The following SEMA5B variants were observed in gnomAD, a reference collection of about 807,000 sequenced individuals.
The protein encoded by SEMA5B is semaphorin 5B.
A neutral mutation model predicts 135.0 loss-of-function variants in SEMA5B; 66 were observed. The observed-to-expected ratio is 0.49, with a 90% confidence interval of 0.40 to 0.60. The LOEUF is 0.60. Ranked by LOEUF, SEMA5B falls within the 20% of genes least tolerant of loss-of-function variation. The pLI is 0.00. For synonymous variants in SEMA5B, 690 were observed against 639.5 expected (o/e 1.08, Z -1.19); for missense variants, 1,501 against 1,566.3 (o/e 0.96, Z 0.70).
intron 1 of SEMA5B, among the ~76,000 whole-genome samples, chr3:122,979,083 G>A (rs1273190368): frequency 6.6e-6 from 1 of 152,174 alleles, no homozygotes; most frequent in Non-Finnish European, 1.5e-5. Context: ...AAGCACTGGG[G>A]CTCTGCAGGC....
chr3:122,934,357 C>T (rs1329449623), intron 5 of SEMA5B, among the ~76,000 whole-genome samples: 3 of 152,116 alleles, frequency 2.0e-5, no homozygotes, highest in Admixed American at 2.0e-4. Flanking sequence ...CACAAGAACA[C>T]CTATGAAGTA....
chr3:122,975,935 C>A, intron 1 of SEMA5B: 2 of 1,524,690 alleles, frequency 1.3e-6, no homozygotes, highest in Admixed American at 4.0e-5. Flanking sequence ...TGGCCATTCC[C>A]CCTCCATCCA....
At chr3:122,912,464 C>T in intron 18 of SEMA5B, 122 bp from the exon 19 acceptor site, 1 of 884,218 alleles carries the variant, frequency 1.1e-6, no homozygotes, top group Non-Finnish European at 1.7e-6. Context: ...TCCACCCGAT[C>T]CACCCGCCAC....
chr3:122,979,239 CCCG>C (rs1941440089), intron 1 of SEMA5B, among the ~76,000 whole-genome samples: 1 of 152,182 alleles, frequency 6.6e-6, no homozygotes, highest in South Asian at 2.1e-4. Context: ...AGTGGAAAGA[CCCG>C]CCGAGGAGAA....
At position 122,925,086 on chromosome 3, in the gene SEMA5B, G is replaced by A. The variant is rs949869711; in HGVS notation, c.1136+1306C>T. On this transcript the variant is annotated intron_variant, in intron 9 of 22. Coordinates refer to ENST00000357599, the MANE Select transcript of SEMA5B (RefSeq NM_001031702.4). Reference sequence around the variant, plus strand: ...GCCTCTCCACCTACTCCTGACTCTCGTTTCGGTCCACCCCCTCACACTGTC... The same window carrying A: ...GCCTCTCCACCTACTCCTGACTCTCATTTCGGTCCACCCCCTCACACTGTC... 3.9e-5 allele frequency among the ~76,000 whole-genome samples: 6 copies of A among 152,116 alleles called. No homozygotes were observed. In the East Asian group the frequency reaches 5.8e-4, roughly 15 times the overall value.
intron 18 of SEMA5B, 92 bp from the exon 19 acceptor site, chr3:122,912,434 G>GTTTTTT: frequency 8.3e-7 from 1 of 1,208,308 alleles, no homozygotes; most frequent in Admixed American, 3.0e-5. Flanking sequence ...ACTCTGCCCT[G>GTTTTTT]AGCCACAGTG....
chr3:123,007,155 C>T (rs1477073911), intron 1 of SEMA5B, among the ~76,000 whole-genome samples: 1 of 152,174 alleles, frequency 6.6e-6, no homozygotes, highest in East Asian at 1.9e-4. Context: ...AACACCTACT[C>T]ATGCACACGG....
At chr3:123,016,147 T>C (rs913330963) in intron 1 of SEMA5B, among the ~76,000 whole-genome samples, 3 of 152,184 alleles carry the variant, frequency 2.0e-5, no homozygotes, top group East Asian at 1.9e-4. Context: ...CAAGCCTTAA[T>C]TGATCCCTAA....
In SEMA5B at chr3:122,948,577, T is replaced by A. The variant is rs1317390271; in HGVS notation, c.257A>T (p.Asp86Val). The change falls in exon 3 of 23, where the codon GAT (aspartate) becomes GTT (valine). Residue 86 changes from aspartate (D) to valine (V), a missense_variant. This residue lies in a region of SEMA5B where 574 missense variants were observed against 684.7 expected (regional missense o/e 0.84). Coordinates refer to ENST00000357599, the MANE Select transcript of SEMA5B (RefSeq NM_001031702.4). ...LLVSHLSSSQ[D>V]VSSEPSSEQQ... ...CTCACTGCTGGGCTCACTGGAGACA[T>A]CCTGGGAGCTGGAGAGGTGGGACAC... The A allele has an allele frequency of 6.2e-7, 1 of 1,613,892 alleles. No homozygotes were observed. Among genetic ancestry groups the A allele is most frequent in the South Asian group, 1.1e-5 (1 of 91,034 alleles).
Position 122,922,242 on chromosome 3 carries a change from G to T in SEMA5B, c.1478C>A (p.Thr493Asn). 2 of 1,610,422 alleles carry T rather than the reference G, an allele frequency of 1.2e-6. No homozygotes were observed. Among genetic ancestry groups the T allele is most frequent in the Non-Finnish European group, 1.7e-6 (2 of 1,177,142 alleles). The stretch of plus-strand genomic sequence containing the variant: ...CAGGTTGGACCGGGCCGGCTCACCG[G>T]TGCCAATGTAGAGTACATGGTAGAG... ...DTLYHVLYIG[T>N]ESGTILKALS... Residue 493 changes from threonine (T) to asparagine (N), a missense_variant and splice_region_variant, in exon 11 of 23, where the codon ACC becomes AAC. Thr to Asn is a moderately conservative substitution (Grantham distance 65). Coordinates refer to ENST00000357599, the MANE Select transcript of SEMA5B (RefSeq NM_001031702.4).
chr3:123,022,840 C>CCCTTCTG (rs1414203050), intron 1 of SEMA5B, among the ~76,000 whole-genome samples: 1 of 152,210 alleles, frequency 6.6e-6, no homozygotes, highest in Non-Finnish European at 1.5e-5. Flanking sequence ...ACATTCAGCA[C>CCCTTCTG]CCTTCTGTCC....
intron 14 of SEMA5B, among the ~76,000 whole-genome samples, chr3:122,914,582 A>G (rs1194507810): frequency 6.6e-6 from 1 of 152,026 alleles, no homozygotes; most frequent in Non-Finnish European, 1.5e-5. Flanking sequence ...TTGTATTCCT[A>G]CCCCCATGAG....
intron 1 of SEMA5B, among the ~76,000 whole-genome samples, chr3:123,012,635 A>T (rs1228954891): frequency 2.6e-5 from 4 of 152,290 alleles, no homozygotes; most frequent in Middle Eastern, 6.8e-3. Flanking sequence ...GTGAAGTGTA[A>T]TTAAAGCCAC....
rs201480319 is a variant in SEMA5B, at chr3:122,999,533, ATT to A, written c.-39+27929_-39+27930del. Among the ~76,000 whole-genome samples the A allele has an allele frequency of 4.2e-3, 610 of 146,862 alleles. 6 individuals are homozygous for A. The highest frequency in any genetic ancestry group is 0.014 in the African/African-American group (581 of 40,260). On this transcript the variant is annotated intron_variant, in intron 1 of 22. Coordinates refer to ENST00000357599, the MANE Select transcript of SEMA5B (RefSeq NM_001031702.4). ...AGCCACCATGCCCGGCCTTAAGTAGATTTTTTTTTTTTTAAACCCACCAAAGA... is the reference window on the plus strand; with the variant it reads ...AGCCACCATGCCCGGCCTTAAGTAGATTTTTTTTTTTAAACCCACCAAAGA...
chr3:122,971,615 G>T (rs1213504560), intron 1 of SEMA5B, among the ~76,000 whole-genome samples: 2 of 152,268 alleles, frequency 1.3e-5, no homozygotes, highest in African/African-American at 4.8e-5. Flanking sequence ...CTCAGCCCGT[G>T]TCTATTGAAT....
rs762697012 is a variant in SEMA5B, at chr3:122,951,040, C to T, written c.125-2331G>A. Among the ~76,000 whole-genome samples the T allele has an allele frequency of 3.5e-4, 53 of 152,152 alleles. 1 individual carries two copies. Among genetic ancestry groups the T allele is most frequent in the Non-Finnish European group, 6.3e-4 (43 of 68,030 alleles). Reference sequence around the variant, plus strand: ...TCTTGACCTCCTGGACTCAAGCGATCCTTCCAGCTCAGCCTCTCTAGTGGT... The same window carrying T: ...TCTTGACCTCCTGGACTCAAGCGATTCTTCCAGCTCAGCCTCTCTAGTGGT... On this transcript the variant is annotated intron_variant, in intron 2 of 22. Coordinates refer to ENST00000357599, the MANE Select transcript of SEMA5B (RefSeq NM_001031702.4).
chr3:123,011,174 G>A (rs980038222), intron 1 of SEMA5B, among the ~76,000 whole-genome samples: 5 of 152,206 alleles, frequency 3.3e-5, no homozygotes, highest in African/African-American at 7.2e-5. Context: ...CCATCAGAGC[G>A]GCAGAGGAAT....
At chr3:122,947,360 C>A (rs1939834122) in intron 3 of SEMA5B, among the ~76,000 whole-genome samples, 1 of 152,072 alleles carries the variant, frequency 6.6e-6, no homozygotes, top group Non-Finnish European at 1.5e-5. Context: ...AGGAGCCAAC[C>A]CACAGCTGGG....
chr3:122,956,966 G>A (rs901484491), intron 2 of SEMA5B, among the ~76,000 whole-genome samples: 14 of 152,206 alleles, frequency 9.2e-5, no homozygotes, highest in African/African-American at 1.2e-4. Context: ...CATCAGGGGC[G>A]AAGAGCATTC....
Sources: allele counts gnomAD v4.1 joint callset (sites outside exome capture counted in the v4.1 genomes callset), GRCh38; gene constraint gnomAD v4.1.1; regional missense constraint gnomAD v4.1.1; transcripts MANE v1.5; gene names NCBI Gene and HGNC (gene_info 2026-07-23, HGNC 2026-07-21).